ZNF268: variants seen among roughly 807,000 people sequenced by gnomAD.
ZNF268 encodes the protein zinc finger protein 268, also known as zinc finger protein 3.
Under a neutral mutation model 29.3 loss-of-function variants are expected in ZNF268, and 20 were observed. The ratio of observed to expected loss-of-function variants is 0.68; its 90% CI spans 0.48 to 0.99. The LOEUF (loss-of-function observed/expected upper bound fraction) is 0.99. ZNF268 is among the 50% of genes least tolerant of loss of function. The probability of loss-of-function intolerance (pLI) is 0.00; values close to 1 mark genes in which losing one functional copy is unlikely to be tolerated. For missense variants in ZNF268, 1,240 were observed against 1,121.6 expected (o/e 1.11, Z -1.51); for synonymous variants, 429 against 376.9 (o/e 1.14, Z -1.60).
chr12:133,192,693 G>A (rs150272046), intron 5 of ZNF268, among the ~76,000 whole-genome samples: 2,166 of 150,326 alleles, frequency 0.014, 62 homozygotes, highest in African/African-American at 0.049. Flanking sequence ...TTTTTGAGAC[G>A]GAGTCTCATT....
At chr12:133,189,278 A>T (rs976709556) in intron 3 of ZNF268, among the ~76,000 whole-genome samples, 1 of 148,784 alleles carries the variant, frequency 6.7e-6, no homozygotes, top group African/African-American at 2.5e-5. Flanking sequence ...GCAGTGGCAC[A>T]ATCTGGGCTC....
chr12:133,197,596 C>T (rs61960676), intron 5 of ZNF268, among the ~76,000 whole-genome samples: 52,205 of 151,824 alleles, frequency 0.34, 9,401 homozygotes, highest in African/African-American at 0.41. Context: ...AGTTCTAGAT[C>T]CCTGAGGAAT....
At position 133,207,877 on chromosome 12, in the gene ZNF268, C is replaced by T; in HGVS notation, c.*3347C>T. The T allele has an allele frequency of 6.6e-6, 1 of 152,078 alleles. No individual in the cohort carries two copies. Among genetic ancestry groups the T allele is most frequent in the East Asian group, 1.9e-4 (1 of 5,186 alleles). 9.4% of individuals were successfully genotyped at this position (152,078 alleles called of 1,614,324 possible). On this transcript the variant is annotated 3_prime_UTR_variant, in exon 6 of 6. Transcript: ENST00000536435. The stretch of plus-strand genomic sequence containing the variant: ...TTTTAATTAACTACCAGATAAAACT[C>T]ATAAGGATTATCTCAGTATATGCTG...
At position 133,181,929 on chromosome 12, in the gene ZNF268, T is replaced by A. The variant is rs1472372409; in HGVS notation, c.-52-17T>A. The A allele has an allele frequency of 5.2e-6, 8 of 1,526,382 alleles. No homozygotes were observed. Among genetic ancestry groups the A allele is most frequent in the Non-Finnish European group, 7.1e-6 (8 of 1,123,950 alleles). 94.6% of individuals were successfully genotyped at this position (1,526,382 alleles called of 1,614,324 possible). Reference sequence around the variant, plus strand: ...ACTGCTGGGTGACCTCTTTCTTCACTGTGCTCTCTCTTCTAGCATCCCTCG... The same window carrying A: ...ACTGCTGGGTGACCTCTTTCTTCACAGTGCTCTCTCTTCTAGCATCCCTCG... On this transcript the variant is annotated splice_polypyrimidine_tract_variant and intron_variant, in intron 1 of 5. Coordinates refer to ENST00000536435, the MANE Select transcript of ZNF268 (RefSeq NM_003415.3).
chr12:133,181,642 C>G lies in ZNF268; in HGVS notation c.-97C>G, dbSNP rs182316517. ...CAGATCTGGAGGTGGAGGCAGTACC[C>G]TGGACTCTATTCTGCTGCCCCTTCA... On this transcript the variant is annotated 5_prime_UTR_variant, in exon 1 of 6. Transcript: ENST00000536435. The G allele has an allele frequency of 3.7e-5, 10 of 269,330 alleles. No individual in the cohort carries two copies. The highest frequency in any genetic ancestry group is 5.7e-5 in the Non-Finnish European group (8 of 139,362). The allele number at this position is 269,330 out of a possible 1,614,324, so 16.7% of individuals were successfully genotyped here.
At position 133,212,445 on chromosome 12, in the gene ZNF268, T is replaced by TTATATATATATA. The variant is rs565059550; in HGVS notation, c.*7957_*7968dup. ...CCAAGGGAGACTTTCATGTGTGATT[T>TTATATATATATA]TATATATATATATATATATATATAT... On this transcript the variant is annotated 3_prime_UTR_variant, in exon 6 of 6. Transcript: ENST00000536435. 2.6e-4 allele frequency: 31 copies of TTATATATATATA among 118,536 alleles called. No homozygotes were observed. The highest frequency in any genetic ancestry group is 8.2e-4 in the South Asian group (3 of 3,638). The allele number at this position is 118,536 out of a possible 1,614,324, so 7.3% of individuals were successfully genotyped here. A position where few individuals can be genotyped will look rare whatever the true frequency, so the allele number is the denominator to read the frequency against.
chr12:133,181,899 TG>T, intron 1 of ZNF268, 46 bp from the exon 2 acceptor site: 2 of 1,346,424 alleles, frequency 1.5e-6, no homozygotes, highest in Non-Finnish European at 2.1e-6. Flanking sequence ...CCTCTGGGTT[TG>T]GGGACTGCTG....
intron 5 of ZNF268, 26 bp from the exon 6 acceptor site, chr12:133,202,118 A>G: frequency 6.6e-7 from 1 of 1,517,662 alleles, no homozygotes; most frequent in Non-Finnish European, 8.8e-7. Flanking sequence ...GATTTATAAC[A>G]TGTGACCAAT....
rs543105961 is a variant in ZNF268 at position 133,189,339 on chromosome 12, C to T, written c.234+1267C>T. Among the ~76,000 whole-genome samples, 40 of 151,576 alleles carry T rather than the reference C, an allele frequency of 2.6e-4. No individual in the cohort carries two copies. In the South Asian group the frequency reaches 3.3e-3, roughly 13 times the overall value. ...AAGCAGTTCTCCTACCTCAGCCTCC[C>T]GAGTAGCTGGGACTACAGGTGCGCA... On this transcript the variant is annotated intron_variant, in intron 3 of 5. Transcript: ENST00000536435.
rs1412977886 is a variant in ZNF268, at chr12:133,202,412, T to A, written c.726T>A (p.Thr242=). The change falls in exon 6 of 6, where the codon ACT becomes ACA. Residue 242 remains threonine, a synonymous_variant. Coordinates refer to ENST00000536435, the MANE Select transcript of ZNF268 (RefSeq NM_003415.3). ...KSFFHSKHEQ[T]VIGIKYCESI... is the part of the protein sequence containing the mutation. Reference sequence around the variant, plus strand: ...TCTTCCATTCTAAACATGAGCAAACTGTTATTGGAATAAAATACTGTGAAA... The same window carrying A: ...TCTTCCATTCTAAACATGAGCAAACAGTTATTGGAATAAAATACTGTGAAA... The A allele has an allele frequency of 6.2e-7, 1 of 1,611,068 alleles. No individual in the cohort carries two copies. The highest frequency in any genetic ancestry group is 1.7e-5 in the Admixed American group (1 of 59,418).
At position 133,205,692 on chromosome 12, in the gene ZNF268, T is replaced by G. The variant is rs981071891; in HGVS notation, c.*1162T>G. Reference sequence around the variant, plus strand: ...GGAAGCAGTCTTGGCAGCAACCTCTTTAGTAATCAATATAAGGCACACTTC... The same window carrying G: ...GGAAGCAGTCTTGGCAGCAACCTCTGTAGTAATCAATATAAGGCACACTTC... On this transcript the variant is annotated 3_prime_UTR_variant, in exon 6 of 6. Coordinates refer to ENST00000536435, the MANE Select transcript of ZNF268 (RefSeq NM_003415.3). 1 of 152,212 alleles carries G rather than the reference T, an allele frequency of 6.6e-6. No individual in the cohort carries two copies. The highest frequency in any genetic ancestry group is 6.5e-5 in the Admixed American group (1 of 15,282). The allele number at this position is 152,212 out of a possible 1,614,324, so 9.4% of individuals were successfully genotyped here. A position where few individuals can be genotyped will look rare whatever the true frequency, so the allele number is the denominator to read the frequency against.
chr12:133,203,662 A>G lies in ZNF268; in HGVS notation c.1976A>G (p.Lys659Arg), dbSNP rs1260564894. Residue 659 changes from lysine to arginine, a missense_variant, in exon 6 of 6, where the codon AAA (lysine) becomes AGA (arginine). Coordinates refer to ENST00000536435, the MANE Select transcript of ZNF268 (RefSeq NM_003415.3). ...TTCAAATCACAGCTCATTGTACATAAAGGAGTGCACACTGGAGTAAAACCC... is the reference window on the plus strand; with the variant it reads ...TTCAAATCACAGCTCATTGTACATAGAGGAGTGCACACTGGAGTAAAACCC... ...FTFKSQLIVH[K>R]GVHTGVKPYG... The G allele has an allele frequency of 6.4e-7, 1 of 1,552,462 alleles. No homozygotes were observed. Among genetic ancestry groups the G allele is most frequent in the South Asian group, 1.2e-5 (1 of 85,282 alleles).
rs1268167832 is a variant in ZNF268, at chr12:133,206,615, C to T, written c.*2085C>T. 2 of 152,158 alleles carry T rather than the reference C, an allele frequency of 1.3e-5. No individual in the cohort carries two copies. The highest frequency in any genetic ancestry group is 1.9e-4 in the East Asian group (1 of 5,184). 9.4% of individuals were successfully genotyped at this position (152,158 alleles called of 1,614,324 possible). A position where few individuals can be genotyped will look rare whatever the true frequency, so the allele number is the denominator to read the frequency against. Reference sequence around the variant, plus strand: ...CTTGGAGGAATATGCGGATTCAATACTGCAAATATTTCTGAAACACCTTCT... The same window carrying T: ...CTTGGAGGAATATGCGGATTCAATATTGCAAATATTTCTGAAACACCTTCT... On this transcript the variant is annotated 3_prime_UTR_variant, in exon 6 of 6. Coordinates refer to ENST00000536435, the MANE Select transcript of ZNF268 (RefSeq NM_003415.3).
At chr12:133,186,885 C>T (rs1348012116) in intron 2 of ZNF268, among the ~76,000 whole-genome samples, 1 of 152,182 alleles carries the variant, frequency 6.6e-6, no homozygotes, top group Non-Finnish European at 1.5e-5. Context: ...CGTATACTTG[C>T]AATCCCACTT....
chr12:133,191,209 C>T (rs542114617), intron 3 of ZNF268, among the ~76,000 whole-genome samples: 9 of 151,560 alleles, frequency 5.9e-5, no homozygotes, highest in African/African-American at 2.2e-4. Context: ...CCCAGCTACT[C>T]GGGAGGCTGA....
At chr12:133,187,332 A>G (rs1284200047) in intron 2 of ZNF268, among the ~76,000 whole-genome samples, 4 of 151,762 alleles carry the variant, frequency 2.6e-5, no homozygotes, top group South Asian at 4.2e-4. Context: ...CAGATTTCAC[A>G]TTTCTAAGCA....
Position 133,205,165 on chromosome 12 carries a change from AAAAAAAAACC to A in ZNF268, c.*638_*647del, listed in dbSNP as rs1389978363. The stretch of plus-strand genomic sequence containing the variant: ...ATTCTAAAAAAAAAAAAAAAAAAAA[AAAAAAAAACC>A]AACCTGTTATTATATCTTAATATTA... On this transcript the variant is annotated 3_prime_UTR_variant, in exon 6 of 6. Coordinates refer to ENST00000536435, the MANE Select transcript of ZNF268 (RefSeq NM_003415.3). The A allele has an allele frequency of 1.4e-5, 2 of 138,356 alleles. No individual in the cohort carries two copies. Among genetic ancestry groups the A allele is most frequent in the African/African-American group, 2.7e-5 (1 of 37,078 alleles). The allele number at this position is 138,356 out of a possible 1,614,324, so 8.6% of individuals were successfully genotyped here.
intron 2 of ZNF268, among the ~76,000 whole-genome samples, chr12:133,182,577 C>G (rs1208238028): frequency 1.3e-5 from 2 of 152,070 alleles, no homozygotes; most frequent in Non-Finnish European, 2.9e-5. Flanking sequence ...AGGAATGGGT[C>G]AGTTTTGGAA....
rs181405919 is a variant in ZNF268 at position 133,207,330 on chromosome 12, T to C, written c.*2800T>C. On this transcript the variant is annotated 3_prime_UTR_variant, in exon 6 of 6. Transcript: ENST00000536435. Reference sequence around the variant, plus strand: ...GTTTAAAAATCCATATTTGTGAACATAGGTTTAAAAATCCATATTTGTGAA... The same window carrying C: ...GTTTAAAAATCCATATTTGTGAACACAGGTTTAAAAATCCATATTTGTGAA... 6.6e-5 allele frequency: 10 copies of C among 151,900 alleles called. No individual in the cohort carries two copies. Among genetic ancestry groups the C allele is most frequent in the Non-Finnish European group, 1.3e-4 (9 of 67,942 alleles). The allele number at this position is 151,900 out of a possible 1,614,324, so 9.4% of individuals were successfully genotyped here.
Sources: gnomAD v4.1 joint callset for allele counts (sites outside exome capture counted in the v4.1 genomes callset) on GRCh38, gnomAD v4.1.1 for gene constraint, MANE v1.5 for transcripts, NCBI Gene and HGNC (gene_info 2026-07-23, HGNC 2026-07-21) for gene names.